Variants in ACSF2 observed in about 807,000 individuals in gnomAD.
ACSF2 encodes the protein medium-chain acyl-CoA ligase ACSF2, mitochondrial.
Under a neutral mutation model 79.3 loss-of-function variants are expected in ACSF2, and 52 were observed. That is an observed-to-expected ratio of 0.66 (90% confidence interval 0.53 to 0.83). The LOEUF is 0.83. ACSF2 is among the 40% of genes least tolerant of loss of function. The pLI is 0.00. For synonymous variants in ACSF2, 283 were observed against 312.6 expected (o/e 0.91, Z 1.00); for missense variants, 661 against 803.3 (o/e 0.82, Z 2.14).
At chr17:50,435,401 T>G (rs556438999) in intron 1 of ACSF2, among the ~76,000 whole-genome samples, 2 of 152,120 alleles carry the variant, frequency 1.3e-5, no homozygotes, top group African/African-American at 4.8e-5. Context: ...GAGCAAAATT[T>G]TTTAATCCTT....
intron 1 of ACSF2, among the ~76,000 whole-genome samples, chr17:50,459,339 C>T (rs1021329619): frequency 2.0e-5 from 3 of 152,210 alleles, no homozygotes; most frequent in African/African-American, 4.8e-5. Context: ...CTCCCAGGCT[C>T]GAGTGATCCT....
rs149052246 is a variant in ACSF2 at position 50,463,574 on chromosome 17, AC to A, written c.1046+23del. 954 of 1,611,094 alleles carry A rather than the reference AC, an allele frequency of 5.9e-4. 3 individuals carry two copies. In the African/African-American group the frequency reaches 0.011, roughly 18 times the overall value. Reference sequence around the variant, plus strand: ...AGAGGTGGGCACTGGTGGACAGGCTACTTGTGGGCTGATAAAACCCTCTTCT... The same window carrying A: ...AGAGGTGGGCACTGGTGGACAGGCTATTGTGGGCTGATAAAACCCTCTTCT... On this transcript the variant is annotated intron_variant, in intron 8 of 15. Coordinates refer to ENST00000300441, the MANE Select transcript of ACSF2 (RefSeq NM_025149.6). The surrounding 1 kb of genome is among the most constrained non-coding windows in gnomAD (Gnocchi z 4.6).
At chr17:50,435,206 C>G (rs1263469322) in intron 1 of ACSF2, among the ~76,000 whole-genome samples, 1 of 152,084 alleles carries the variant, frequency 6.6e-6, no homozygotes, top group Non-Finnish European at 1.5e-5. Flanking sequence ...CCAAGGAGTG[C>G]TTTTGGGAGG....
chr17:50,428,679 G>A (rs1008096883), intron 1 of ACSF2, among the ~76,000 whole-genome samples: 1 of 152,130 alleles, frequency 6.6e-6, no homozygotes, highest in African/African-American at 2.4e-5. Context: ...CTACTTGGGA[G>A]GCTGAGGCAG....
intron 10 of ACSF2, chr17:50,467,962 G>A: frequency 1.4e-6 from 2 of 1,446,124 alleles, no homozygotes; most frequent in Non-Finnish European, 1.9e-6. Flanking sequence ...GGGGGATGGT[G>A]CCAGCTGTGG....
intron 1 of ACSF2, among the ~76,000 whole-genome samples, chr17:50,449,081 A>G (rs1404680287): frequency 7.0e-6 from 1 of 143,568 alleles, no homozygotes; most frequent in African/African-American, 2.6e-5. Flanking sequence ...CAGTGGTGCA[A>G]TTTGGGCCTG....
chr17:50,439,121 A>C (rs1000126054), intron 1 of ACSF2, among the ~76,000 whole-genome samples: 16 of 145,264 alleles, frequency 1.1e-4, no homozygotes, highest in African/African-American at 4.0e-4. Context: ...AGGCTGCTGG[A>C]GTGCAATGAC....
intron 10 of ACSF2, chr17:50,464,518 A>G (rs762545921): frequency 5.2e-5 from 35 of 674,398 alleles, no homozygotes; most frequent in South Asian, 5.1e-4. Flanking sequence ...ATACATTTAT[A>G]TTTATAGAAA....
At position 50,468,221 on chromosome 17, in the gene ACSF2, G is replaced by A. The variant is rs2032867037; in HGVS notation, c.1216-2807G>A. On this transcript the variant is annotated intron_variant, in intron 10 of 15. Transcript: ENST00000300441. ...CTGGTTCCTGTCCACGTGGAATTTG[G>A]CGAGGTTCTCCACGTCGTCCAGGGC... The A allele has an allele frequency of 1.2e-6, 2 of 1,612,948 alleles. No individual in the cohort carries two copies. The highest frequency in any genetic ancestry group is 1.7e-5 in the Admixed American group (1 of 59,970).
chr17:50,468,432 G>A (rs765822121), intron 10 of ACSF2: 2 of 1,614,278 alleles, frequency 1.2e-6, no homozygotes, highest in South Asian at 2.2e-5. Context: ...TCCAGGTAGA[G>A]GTAGGTCAGC....
chr17:50,469,184 C>T (rs2032971904), intron 10 of ACSF2: 1 of 283,390 alleles, frequency 3.5e-6, no homozygotes, highest in Non-Finnish European at 5.3e-6. Flanking sequence ...ATAGTTATGT[C>T]TGGAGCCCCG....
intron 1 of ACSF2, among the ~76,000 whole-genome samples, chr17:50,436,475 C>G (rs1448378969): frequency 1.3e-5 from 2 of 151,478 alleles, no homozygotes; most frequent in Non-Finnish European, 2.9e-5. Flanking sequence ...TCTTGTTGCC[C>G]AGGCTGGAGT....
At chr17:50,432,935 T>G (rs890796347) in intron 1 of ACSF2, among the ~76,000 whole-genome samples, 1 of 152,188 alleles carries the variant, frequency 6.6e-6, no homozygotes, top group Non-Finnish European at 1.5e-5. Context: ...GGCTGTGATT[T>G]GAAGTATGCA....
chr17:50,434,860 G>A (rs1339841879), intron 1 of ACSF2, among the ~76,000 whole-genome samples: 20 of 151,712 alleles, frequency 1.3e-4, no homozygotes, highest in Admixed American at 1.3e-3. Context: ...AAACTGCACA[G>A]ATCTTTTTTT....
chr17:50,440,991 G>T (rs369322776), intron 1 of ACSF2, among the ~76,000 whole-genome samples: 1 of 152,258 alleles, frequency 6.6e-6, no homozygotes, highest in Non-Finnish European at 1.5e-5. Context: ...GGGCCATCCC[G>T]GGAGGGGCTC....
In ACSF2 at chr17:50,463,104, G is replaced by A; in HGVS notation, c.793-52G>A. The A allele has an allele frequency of 6.1e-6, 9 of 1,486,290 alleles. No individual in the cohort carries two copies. The highest frequency in any genetic ancestry group is 8.4e-6 in the Non-Finnish European group (9 of 1,068,340). The allele number at this position is 1,486,290 out of a possible 1,614,324, so 92.1% of individuals were successfully genotyped here. Reference sequence around the variant, plus strand: ...CGTGCTCTTCAAGGCAGTGGCCCAGGGTGGGAAGGAGATGAGAAGGAGGCC... The same window carrying A: ...CGTGCTCTTCAAGGCAGTGGCCCAGAGTGGGAAGGAGATGAGAAGGAGGCC... On this transcript the variant is annotated intron_variant, in intron 6 of 15. Transcript: ENST00000300441. The surrounding 1 kb of genome is among the most constrained non-coding windows in gnomAD (Gnocchi z 4.6).
chr17:50,439,164 G>C (rs1378539984), intron 1 of ACSF2, among the ~76,000 whole-genome samples: 1 of 149,264 alleles, frequency 6.7e-6, no homozygotes, highest in Non-Finnish European at 1.5e-5. Flanking sequence ...TCAACCTCCT[G>C]GGCTCAAGTG....
intron 1 of ACSF2, among the ~76,000 whole-genome samples, chr17:50,447,176 A>C (rs528972184): frequency 3.9e-4 from 60 of 152,244 alleles, no homozygotes; most frequent in African/African-American, 1.4e-3. Flanking sequence ...GCAACCACTT[A>C]ATCTGTTTTC....
chr17:50,439,072 G>A (rs903208940), intron 1 of ACSF2, among the ~76,000 whole-genome samples: 3 of 151,014 alleles, frequency 2.0e-5, no homozygotes, highest in African/African-American at 7.3e-5. Context: ...CATATTTTAT[G>A]CCTTTTTTTT....
Sources: gnomAD v4.1 joint callset for allele counts (sites outside exome capture counted in the v4.1 genomes callset) on GRCh38, gnomAD v4.1.1 for gene constraint, Gnocchi (gnomAD v3.1) non-coding constraint, MANE v1.5 for transcripts, NCBI Gene and HGNC (gene_info 2026-07-23, HGNC 2026-07-21) for gene names.